The following SEMA5A variants were observed in gnomAD, a reference collection of about 807,000 sequenced individuals.
The protein encoded by SEMA5A is semaphorin-5A.
Under a neutral mutation model 135.5 loss-of-function variants are expected in SEMA5A, and 55 were observed. The ratio of observed to expected loss-of-function variants is 0.41; its 90% CI spans 0.33 to 0.51. The LOEUF (loss-of-function observed/expected upper bound fraction) is 0.51. SEMA5A is among the 20% of genes least tolerant of loss of function. The pLI is 0.37. For missense variants in SEMA5A, 1,290 were observed against 1,419.9 expected (o/e 0.91, Z 1.47); for synonymous variants, 580 against 546.5 (o/e 1.06, Z -0.85).
At chr5:9,225,107 T>A (rs1159298449) in intron 7 of SEMA5A, among the ~76,000 whole-genome samples, 1 of 151,864 alleles carries the variant, frequency 6.6e-6, no homozygotes, top group Non-Finnish European at 1.5e-5. Context: ...CACTTTAGAG[T>A]TACTGAACCT....
Position 9,250,391 on chromosome 5 carries a change from C to A in SEMA5A, c.271-12501G>T, listed in dbSNP as rs148717071. Among the ~76,000 whole-genome samples, 934 of 152,238 alleles carry A rather than the reference C, an allele frequency of 6.1e-3. 9 individuals are homozygous for A. The highest frequency in any genetic ancestry group is 0.021 in the African/African-American group (867 of 41,554). On this transcript the variant is annotated intron_variant, in intron 5 of 22. Transcript: ENST00000382496. ...GCCACACACAATTCTGAACTGCTTT[C>A]TTTCCACCCCCATAAGTAACTTTAA... is the stretch of plus-strand genomic sequence containing the variant.
At chr5:9,520,429 C>T (rs768114357) in intron 1 of SEMA5A, among the ~76,000 whole-genome samples, 2 of 152,078 alleles carry the variant, frequency 1.3e-5, no homozygotes, top group Non-Finnish European at 2.9e-5. Context: ...GAACGTGAGC[C>T]TCTTGAAGGA....
At chr5:9,132,691 CA>C (rs933695617) in intron 13 of SEMA5A, among the ~76,000 whole-genome samples, 2 of 79,732 alleles carry the variant, frequency 2.5e-5, no homozygotes, top group African/African-American at 5.8e-5. Flanking sequence ...TGTGCTATGT[CA>C]TTGATCCAAG....
At chr5:9,156,376 G>A (rs1742955863) in intron 11 of SEMA5A, among the ~76,000 whole-genome samples, 1 of 152,156 alleles carries the variant, frequency 6.6e-6, no homozygotes, top group African/African-American at 2.4e-5. Flanking sequence ...GGGGCTTCAG[G>A]GAAGGTGACA....
intron 16 of SEMA5A, among the ~76,000 whole-genome samples, chr5:9,088,091 G>A (rs531468440): frequency 1.2e-4 from 18 of 152,210 alleles, no homozygotes; most frequent in East Asian, 7.7e-4. Flanking sequence ...GGCAGATCAC[G>A]AGGTCAAAAG....
At chr5:9,193,810 T>C (rs570715240) in intron 10 of SEMA5A, among the ~76,000 whole-genome samples, 8 of 152,184 alleles carry the variant, frequency 5.3e-5, no homozygotes, top group South Asian at 4.2e-4. Flanking sequence ...AGGCAGACAA[T>C]TGCTTGAACC....
chr5:9,382,765 C>G (rs560812139), intron 2 of SEMA5A, among the ~76,000 whole-genome samples: 1 of 152,224 alleles, frequency 6.6e-6, no homozygotes, highest in South Asian at 2.1e-4. Flanking sequence ...TGAGGTAAGG[C>G]CTATTGCATC....
At chr5:9,123,924 T>G (rs1740966735) in intron 13 of SEMA5A, among the ~76,000 whole-genome samples, 1 of 152,014 alleles carries the variant, frequency 6.6e-6, no homozygotes, top group Non-Finnish European at 1.5e-5. Flanking sequence ...ACACCCAACA[T>G]GCTCACAAGG....
chr5:9,505,600 CTCTT>C (rs540068567), intron 1 of SEMA5A, among the ~76,000 whole-genome samples: 170 of 152,284 alleles, frequency 1.1e-3, no homozygotes, highest in African/African-American at 3.9e-3. Context: ...CTTAGTCTCT[CTCTT>C]CCAGAAAGGA....
chr5:9,251,714 G>C (rs993129217), intron 5 of SEMA5A, among the ~76,000 whole-genome samples: 1 of 152,166 alleles, frequency 6.6e-6, no homozygotes, highest in African/African-American at 2.4e-5. Flanking sequence ...ATCAGACAAT[G>C]TGTGACAGTA....
At chr5:9,170,919 G>A (rs1743884883) in intron 11 of SEMA5A, among the ~76,000 whole-genome samples, 1 of 152,066 alleles carries the variant, frequency 6.6e-6, no homozygotes, top group South Asian at 2.1e-4. Flanking sequence ...AGTTTGACAT[G>A]AAGCCTACAC....
chr5:9,375,026 T>A (rs1755305017), intron 3 of SEMA5A, among the ~76,000 whole-genome samples: 1 of 152,158 alleles, frequency 6.6e-6, no homozygotes, highest in Admixed American at 6.5e-5. Context: ...GATGGTTAAG[T>A]CATGCTCTTT....
intron 3 of SEMA5A, among the ~76,000 whole-genome samples, chr5:9,361,364 C>A (rs1754688496): frequency 6.6e-6 from 1 of 151,540 alleles, no homozygotes; most frequent in Non-Finnish European, 1.5e-5. Flanking sequence ...GCATCACATA[C>A]TTTCTTCCTT....
At chr5:9,474,327 C>T (rs1759589527) in intron 1 of SEMA5A, among the ~76,000 whole-genome samples, 1 of 152,026 alleles carries the variant, frequency 6.6e-6, no homozygotes, top group Non-Finnish European at 1.5e-5. Context: ...TAACCCAAAA[C>T]ATCTGCTGGC....
At chr5:9,410,406 G>A (rs946931681) in intron 2 of SEMA5A, among the ~76,000 whole-genome samples, 5 of 152,016 alleles carry the variant, frequency 3.3e-5, no homozygotes, top group African/African-American at 1.2e-4. Context: ...GTTTTACTGC[G>A]TGACTTCCCT....
At chr5:9,348,476 C>G (rs1209130371) in intron 3 of SEMA5A, among the ~76,000 whole-genome samples, 1 of 152,128 alleles carries the variant, frequency 6.6e-6, no homozygotes, top group Non-Finnish European at 1.5e-5. Flanking sequence ...CAGCCTGCCC[C>G]TCCCTTCAAC....
intron 13 of SEMA5A, among the ~76,000 whole-genome samples, chr5:9,127,260 T>C (rs1418964865): frequency 6.6e-6 from 1 of 152,230 alleles, no homozygotes; most frequent in African/African-American, 2.4e-5. Flanking sequence ...CAGGTTGGGA[T>C]GCTATGGAGG....
At chr5:9,306,699 C>T (rs1751886713) in intron 5 of SEMA5A, among the ~76,000 whole-genome samples, 1 of 152,168 alleles carries the variant, frequency 6.6e-6, no homozygotes, top group Non-Finnish European at 1.5e-5. Context: ...TCAAACAACC[C>T]TCACAATAGC....
rs938050584 is a variant in SEMA5A at position 9,042,410 on chromosome 5, G to C, written c.*487C>G. 1 of 156,860 alleles carries C rather than the reference G, an allele frequency of 6.4e-6. No individual in the cohort carries two copies. The highest frequency in any genetic ancestry group is 1.4e-5 in the Non-Finnish European group (1 of 71,474). 9.7% of individuals were successfully genotyped at this position (156,860 alleles called of 1,614,324 possible). ...GCTTTATCCAGATTTGGAAAGTTGG[G>C]CAATCCATGGTGAATAATTGTTTGG... On this transcript the variant is annotated 3_prime_UTR_variant, in exon 23 of 23. Transcript: ENST00000382496.
Sources: allele counts gnomAD v4.1 joint callset (sites outside exome capture counted in the v4.1 genomes callset), GRCh38; gene constraint gnomAD v4.1.1; transcripts MANE v1.5; gene names NCBI Gene and HGNC (gene_info 2026-07-23, HGNC 2026-07-21).